Variants in AKAP3 observed in about 807,000 individuals in gnomAD.
The protein encoded by AKAP3 is A-kinase anchoring protein 3.
Under a neutral mutation model 57.2 loss-of-function variants are expected in AKAP3, and 27 were observed. That is an observed-to-expected ratio of 0.47 (90% CI 0.35 to 0.65). AKAP3 has a LOEUF of 0.65. Ranked by LOEUF, AKAP3 falls within the 30% of genes least tolerant of loss-of-function variation. The pLI is 0.01. For missense variants in AKAP3, 959 were observed against 1,040.0 expected, an observed-to-expected ratio of 0.92 and a Z score of 1.07; for synonymous variants, 334 against 392.3, an observed-to-expected ratio of 0.85 and a Z score of 1.76.
Position 4,625,692 on chromosome 12 carries a change from T to TGAGA in AKAP3, c.2406+800_2406+803dup, listed in dbSNP as rs77632031. Among the ~76,000 whole-genome samples, 61,039 of 146,198 alleles carry TGAGA rather than the reference T, an allele frequency of 0.42. 13,150 individuals are homozygous for TGAGA. Among genetic ancestry groups the TGAGA allele is most frequent in the Middle Eastern group, 0.53 (151 of 286 alleles). ...ATCAAAAGCACTGAGGAAGAGAAAA[T>TGAGA]GAGAGAGAGAGAGAGAGAGAGAGAG... On this transcript the variant is annotated intron_variant, in intron 5 of 5. Transcript: ENST00000228850. This position sits in a 1 kb window ranked among gnomAD's most constrained non-coding sequence, Gnocchi z 5.4.
chr12:4,622,884 A>T (rs774283050), intron 5 of AKAP3, among the ~76,000 whole-genome samples: 1 of 152,226 alleles, frequency 6.6e-6, no homozygotes, highest in Non-Finnish European at 1.5e-5. Flanking sequence ...TATGCATCTG[A>T]CAAAGGTCTA....
intron 1 of AKAP3, among the ~76,000 whole-genome samples, chr12:4,646,938 A>C (rs753682799): frequency 5.4e-4 from 82 of 152,084 alleles, no homozygotes; most frequent in Non-Finnish European, 2.5e-4. Context: ...GCACACCACC[A>C]CACACGGCTA....
Position 4,615,592 on chromosome 12 carries a change from A to C in AKAP3, c.*147T>G. The C allele has an allele frequency of 9.5e-7, 1 of 1,048,868 alleles. No individual in the cohort carries two copies. Among genetic ancestry groups the C allele is most frequent in the East Asian group, 2.7e-5 (1 of 36,658 alleles). The allele number at this position is 1,048,868 out of a possible 1,614,324, so 65.0% of individuals were successfully genotyped here. A position where few individuals can be genotyped will look rare whatever the true frequency, so the allele number is the denominator to read the frequency against. ...ATCTGCAAAATCCAGTGGCTAGCAC[A>C]AGATGACATGTCTTTGATGAGAGTG... On this transcript the variant is annotated 3_prime_UTR_variant, in exon 6 of 6. Coordinates refer to ENST00000228850, the MANE Select transcript of AKAP3 (RefSeq NM_001278309.2).
At chr12:4,639,772 C>T (rs1411035313) in intron 3 of AKAP3, among the ~76,000 whole-genome samples, 2 of 150,536 alleles carry the variant, frequency 1.3e-5, no homozygotes, top group Non-Finnish European at 3.0e-5. Flanking sequence ...TTTTTTATGG[C>T]TGCATAGTAT....
At chr12:4,633,442 C>T (rs1945524690) in intron 4 of AKAP3, among the ~76,000 whole-genome samples, 1 of 151,932 alleles carries the variant, frequency 6.6e-6, no homozygotes, top group African/African-American at 2.4e-5. Flanking sequence ...TCTATTACTC[C>T]CCTCTATCCA....
intron 5 of AKAP3, among the ~76,000 whole-genome samples, chr12:4,617,433 T>C (rs539785445): frequency 2.0e-5 from 3 of 152,340 alleles, no homozygotes; most frequent in Admixed American, 2.0e-4. Flanking sequence ...GTATAAATAG[T>C]AGGCTATCCT....
intron 4 of AKAP3, among the ~76,000 whole-genome samples, chr12:4,632,549 C>G (rs1169616866): frequency 6.6e-6 from 1 of 152,202 alleles, no homozygotes; most frequent in African/African-American, 2.4e-5. Flanking sequence ...TTCCTAGGGA[C>G]TGCAGGTGAA....
In AKAP3 at chr12:4,626,732, C is replaced by G. The variant is rs1343230524; in HGVS notation, c.2170G>C (p.Gly724Arg). ...LYECLPAKGT[G>R]SAEAVLQNAY... Reference sequence around the variant, plus strand: ...TTCTGCAGGACAGCTTCTGCTGACCCTGTGCCCTTGGCTGGTAAGCACTCA... The same window carrying G: ...TTCTGCAGGACAGCTTCTGCTGACCGTGTGCCCTTGGCTGGTAAGCACTCA... The change falls in exon 5 of 6, where the codon GGG (glycine) becomes CGG (arginine). Residue 724 changes from glycine (G) to arginine (R), a missense_variant. Gly to Arg is a moderately radical substitution (Grantham distance 125). Coordinates refer to ENST00000228850, the MANE Select transcript of AKAP3 (RefSeq NM_001278309.2). 1 of 1,614,112 alleles carries G rather than the reference C, an allele frequency of 6.2e-7. No homozygotes were observed. Among genetic ancestry groups the G allele is most frequent in the Non-Finnish European group, 8.5e-7 (1 of 1,180,028 alleles).
Position 4,627,490 on chromosome 12 carries a change from G to C in AKAP3, c.1412C>G (p.Ser471Cys), listed in dbSNP as rs1343209525. The change falls in exon 5 of 6, where the codon TCT becomes TGT. Residue 471 changes from serine to cysteine, a missense_variant. By Grantham distance (112) the Ser-to-Cys change is moderately radical (BLOSUM62 -1). Transcript: ENST00000228850. Reference protein sequence around the residue: ...WHKTQQKECKSLGFQHAAFEA... With the variant: ...WHKTQQKECKCLGFQHAAFEA... ...AAATGCTGCATGCTGGAAACCTAGA[G>C]ATTTACATTCTTTCTGCTGAGTTTT... 4.3e-6 allele frequency: 7 copies of C among 1,614,154 alleles called. No individual in the cohort carries two copies. The highest frequency in any genetic ancestry group is 5.9e-6 in the Non-Finnish European group (7 of 1,180,000).
intron 5 of AKAP3, among the ~76,000 whole-genome samples, chr12:4,624,822 G>GTGTGTGTGTGTGTGTGTGTGTGTGTGTA (rs1467904888): frequency 2.0e-5 from 3 of 147,414 alleles, no homozygotes; most frequent in African/African-American, 7.8e-5. Flanking sequence ...GTGTGTGTGT[G>GTGTGTGTGTGTGTGTGTGTGTGTGTGTA]TGTATATAAA....
chr12:4,643,922 C>T (rs546242717), intron 2 of AKAP3, among the ~76,000 whole-genome samples: 1 of 152,314 alleles, frequency 6.6e-6, no homozygotes, highest in South Asian at 2.1e-4. Flanking sequence ...TGCAGGGTTG[C>T]TAAGTACTTG....
At chr12:4,615,932 C>T (rs1945280148) in intron 5 of AKAP3, 38 bp from the exon 6 acceptor site, 2 of 1,611,878 alleles carry the variant, frequency 1.2e-6, no homozygotes, top group South Asian at 2.2e-5. Context: ...TGAGGCACAG[C>T]ATCTCATGGC....
chr12:4,646,845 C>G (rs1043776254), intron 1 of AKAP3, among the ~76,000 whole-genome samples: 1 of 151,914 alleles, frequency 6.6e-6, no homozygotes, highest in Non-Finnish European at 1.5e-5. Context: ...TACAGTGGCA[C>G]GATCTCGGCT....
chr12:4,620,468 C>G, intron 5 of AKAP3, among the ~76,000 whole-genome samples: 1 of 82,744 alleles, frequency 1.2e-5, no homozygotes, highest in Non-Finnish European at 2.1e-5. Context: ...CAGAGCGAGA[C>G]TGTCTCAAAA....
chr12:4,639,244 A>C (rs10849112), intron 3 of AKAP3, among the ~76,000 whole-genome samples: 31,455 of 151,942 alleles, frequency 0.21, 3,845 homozygotes, highest in East Asian at 0.35. Context: ...AAGTATGAGA[A>C]CCTTCTCTTT....
rs777869688 is a variant in AKAP3, at chr12:4,628,057, C to G, written c.845G>C (p.Ser282Thr). The stretch of plus-strand genomic sequence containing the variant: ...GTTAGCATAGGTCATGATCCCTTCA[C>G]TAACAGAAGCCGTAAAGTCATCAGG... The part of the protein sequence containing the change: ...ERPDDFTASV[S>T]EGIMTYANSV... Residue 282 changes from serine (S) to threonine (T), a missense_variant, in exon 5 of 6, where the codon AGT becomes ACT. Ser to Thr is a moderately conservative substitution (Grantham distance 58, BLOSUM62 1). Coordinates refer to ENST00000228850, the MANE Select transcript of AKAP3 (RefSeq NM_001278309.2). 7.4e-6 allele frequency: 12 copies of G among 1,614,034 alleles called. No individual in the cohort carries two copies.
Position 4,626,576 on chromosome 12 carries a change from C to T in AKAP3, c.2326G>A (p.Val776Ile), listed in dbSNP as rs148740017. The T allele has an allele frequency of 1.5e-4, 235 of 1,614,164 alleles. No individual in the cohort carries two copies. The highest frequency in any genetic ancestry group is 9.7e-4 in the African/African-American group (73 of 75,046). The change falls in exon 5 of 6, where the codon GTC becomes ATC. Residue 776 changes from valine to isoleucine, a missense_variant. By Grantham distance (29) the Val-to-Ile change is conservative (BLOSUM62 3). Coordinates refer to ENST00000228850, the MANE Select transcript of AKAP3 (RefSeq NM_001278309.2). Reference protein sequence around the residue: ...DTVQNKQLQAVLQWVAASELN... With the variant: ...DTVQNKQLQAILQWVAASELN... ...TCAGAGGCAGCTACCCATTGAAGGA[C>T]GGCTTGGAGTTGCTTGTTCTGAACT...
At chr12:4,639,499 C>T (rs969479829) in intron 3 of AKAP3, among the ~76,000 whole-genome samples, 22 of 151,998 alleles carry the variant, frequency 1.4e-4, no homozygotes, top group Admixed American at 9.2e-4. Flanking sequence ...CATATGTATA[C>T]GTGTGCTGTC....
intron 2 of AKAP3, among the ~76,000 whole-genome samples, chr12:4,644,427 A>G (rs1945674445): frequency 6.6e-6 from 1 of 152,364 alleles, no homozygotes; most frequent in East Asian, 1.9e-4. Context: ...GTCAGTAGGT[A>G]GTCAAGCTTC....
Sources: allele counts gnomAD v4.1 joint callset (sites outside exome capture counted in the v4.1 genomes callset), GRCh38; gene constraint gnomAD v4.1.1; non-coding constraint Gnocchi (gnomAD v3.1); transcripts MANE v1.5; gene names NCBI Gene and HGNC (gene_info 2026-07-23, HGNC 2026-07-21).